The following CSMD2 variants were observed in gnomAD, a reference collection of about 807,000 sequenced individuals.
CSMD2 encodes CUB and Sushi multiple domains 2.
A neutral mutation model predicts 398.5 loss-of-function variants in CSMD2; 130 were observed. The observed-to-expected ratio is 0.33, with a 90% CI of 0.28 to 0.38. CSMD2 has a LOEUF of 0.38. CSMD2 is among the 10% of genes least tolerant of loss of function. The probability of loss-of-function intolerance (pLI) is 1.00; values close to 1 mark genes in which losing one functional copy is unlikely to be tolerated. For missense variants in CSMD2, 3,829 were observed against 4,764.9 expected, an observed-to-expected ratio of 0.80 and a Z score of 5.78; for synonymous variants, 1,828 against 1,908.5, an observed-to-expected ratio of 0.96 and a Z score of 1.10.
chr1:33,586,632 C>T lies in CSMD2; in HGVS notation c.6938-15G>A, dbSNP rs373342192. 4.6e-6 allele frequency: 7 copies of T among 1,536,804 alleles called. No homozygotes were observed. Among genetic ancestry groups the T allele is most frequent in the Non-Finnish European group, 6.3e-6 (7 of 1,110,284 alleles). The stretch of plus-strand genomic sequence containing the variant: ...TACGATGTCACCTGTCAAAGAAAGA[C>T]CAACATGTAGACCCTCTTAAGAAGT... On this transcript the variant is annotated splice_polypyrimidine_tract_variant and intron_variant, in intron 45 of 70. Transcript: ENST00000373381.
intron 12 of CSMD2, 48 bp from the exon 13 acceptor site, chr1:33,772,799 C>T: frequency 6.5e-7 from 1 of 1,538,726 alleles, no homozygotes; most frequent in Non-Finnish European, 8.9e-7. Flanking sequence ...TGACTTTATA[C>T]CTCTTTTGGA....
chr1:34,146,138 A>G (rs1266206742), intron 1 of CSMD2, among the ~76,000 whole-genome samples: 2 of 152,072 alleles, frequency 1.3e-5, no homozygotes, highest in African/African-American at 2.4e-5. Flanking sequence ...GGCTCAAGTG[A>G]ATCTCCCACC....
intron 1 of CSMD2, among the ~76,000 whole-genome samples, chr1:34,119,117 T>C (rs1022605288): frequency 2.6e-5 from 4 of 151,978 alleles, no homozygotes; most frequent in African/African-American, 7.3e-5. Flanking sequence ...ACCTCAGAAA[T>C]AAATATATTG....
At chr1:33,523,754 A>G (rs1654521817) in intron 66 of CSMD2, among the ~76,000 whole-genome samples, 1 of 152,200 alleles carries the variant, frequency 6.6e-6, no homozygotes, top group Non-Finnish European at 1.5e-5. Flanking sequence ...AATGGGTGCA[A>G]TAGTTCATGA....
rs144335699 is a variant in CSMD2, at chr1:33,785,025, C to T, written c.1663+3575G>A. Among the ~76,000 whole-genome samples the T allele has an allele frequency of 1.4e-4, 21 of 152,300 alleles. No homozygotes were observed. In the East Asian group the frequency reaches 4.0e-3, roughly 29 times the overall value. On this transcript the variant is annotated intron_variant, in intron 12 of 70. Transcript: ENST00000373381. ...CTCTGTGCACAGAACCTGACGTAGT[C>T]CCTGTGGGTTTGCCATGTCTCTAAA...
At chr1:33,567,324 A>C (rs1659136807) in intron 53 of CSMD2, among the ~76,000 whole-genome samples, 1 of 151,998 alleles carries the variant, frequency 6.6e-6, no homozygotes, top group South Asian at 2.1e-4. Context: ...AAATGAATTA[A>C]ATTCCTACTC....
chr1:33,775,876 G>T (rs1183463348), intron 12 of CSMD2, among the ~76,000 whole-genome samples: 1 of 152,212 alleles, frequency 6.6e-6, no homozygotes, highest in Non-Finnish European at 1.5e-5. Flanking sequence ...ATGCTAGACT[G>T]GGAGAGTGGG....
chr1:34,065,926 T>C (rs1407332637), intron 2 of CSMD2, among the ~76,000 whole-genome samples: 1 of 152,140 alleles, frequency 6.6e-6, no homozygotes, highest in African/African-American at 2.4e-5. Flanking sequence ...TTCAGAGGGA[T>C]CCATATCTCC....
At chr1:33,782,653 G>C (rs1569905254) in intron 12 of CSMD2, among the ~76,000 whole-genome samples, 1 of 152,072 alleles carries the variant, frequency 6.6e-6, no homozygotes, top group African/African-American at 2.4e-5. Context: ...TGCTGAGGAG[G>C]GTACCTGATT....
chr1:33,624,959 G>C lies in CSMD2; in HGVS notation c.5500+92C>G, dbSNP rs1253752807. On this transcript the variant is annotated intron_variant, in intron 34 of 70. Transcript: ENST00000373381. The surrounding 1 kb of genome is among the most constrained non-coding windows in gnomAD (Gnocchi z 4.7). Reference sequence around the variant, plus strand: ...CGGTGGGAAGCGGCTGCTGTGTGTCGTGGGGCATCACTGGGGCTGACTGCC... The same window carrying C: ...CGGTGGGAAGCGGCTGCTGTGTGTCCTGGGGCATCACTGGGGCTGACTGCC... 5.4e-6 allele frequency: 7 copies of C among 1,298,930 alleles called. No homozygotes were observed. Among genetic ancestry groups the C allele is most frequent in the Non-Finnish European group, 7.7e-6 (7 of 905,862 alleles). 80.5% of individuals were successfully genotyped at this position (1,298,930 alleles called of 1,614,324 possible). A position where few individuals can be genotyped will look rare whatever the true frequency, so the allele number is the denominator to read the frequency against.
At chr1:33,875,426 T>C (rs779237426) in intron 5 of CSMD2, 2 of 152,182 alleles carry the variant, frequency 1.3e-5, no homozygotes, top group African/African-American at 2.4e-5. Context: ...AAGCCCTATT[T>C]CTAAGTGTTC....
At position 33,662,973 on chromosome 1, in the gene CSMD2, A is replaced by T. The variant is rs1027171228; in HGVS notation, c.4172T>A (p.Leu1391Gln). The T allele has an allele frequency of 8.7e-6, 14 of 1,614,182 alleles. No individual in the cohort carries two copies. The highest frequency in any genetic ancestry group is 1.1e-5 in the Non-Finnish European group (13 of 1,180,014). The change falls in exon 26 of 71, where the codon CTG becomes CAG. Residue 1391 changes from leucine to glutamine, a missense_variant. Transcript: ENST00000373381. ...ELSGPALPKD[L>Q]HSTFNSVVLQ... ...GACGACCGAGTTGAAGGTGCTATGC[A>T]GGTCCTTGGGCAGGGCCGGGCCACT...
At chr1:34,160,776 T>C (rs1571306874) in intron 1 of CSMD2, among the ~76,000 whole-genome samples, 1 of 152,260 alleles carries the variant, frequency 6.6e-6, no homozygotes. Context: ...AGTAGAACAT[T>C]GAGTACAGTC....
intron 25 of CSMD2, among the ~76,000 whole-genome samples, chr1:33,671,900 TAAAAACAAAAAC>T (rs567227577): frequency 1.3e-5 from 2 of 152,162 alleles, no homozygotes; most frequent in African/African-American, 2.4e-5. Flanking sequence ...AGGTATTTTT[TAAAAACAAAAAC>T]AAAAACAAAC....
At chr1:33,989,034 A>C (rs61771363) in intron 3 of CSMD2, among the ~76,000 whole-genome samples, 27 of 40,106 alleles carry the variant, frequency 6.7e-4, no homozygotes, top group African/African-American at 2.2e-3. Context: ...ATATATATAT[A>C]TATATATATA....
At chr1:33,664,219 T>C (rs560379900) in intron 25 of CSMD2, among the ~76,000 whole-genome samples, 3 of 152,332 alleles carry the variant, frequency 2.0e-5, no homozygotes, top group African/African-American at 7.2e-5. Context: ...CAATTAATAG[T>C]AGGTTTGGTA....
At chr1:33,943,167 A>G (rs1025833204) in intron 3 of CSMD2, among the ~76,000 whole-genome samples, 2 of 152,226 alleles carry the variant, frequency 1.3e-5, no homozygotes, top group Non-Finnish European at 2.9e-5. Flanking sequence ...TAATAATTTG[A>G]AAGATTAATT....
At chr1:33,565,862 G>A (rs559069157) in intron 53 of CSMD2, among the ~76,000 whole-genome samples, 6 of 152,184 alleles carry the variant, frequency 3.9e-5, no homozygotes, top group African/African-American at 1.4e-4. Flanking sequence ...ATAACTGATT[G>A]TATGCTTTAA....
At position 33,533,951 on chromosome 1, in the gene CSMD2, G is replaced by A. The variant is rs1000870261; in HGVS notation, c.9880-44C>T. On this transcript the variant is annotated intron_variant, in intron 62 of 70. Coordinates refer to ENST00000373381, the MANE Select transcript of CSMD2 (RefSeq NM_001281956.2). This position sits in a 1 kb window ranked among gnomAD's most constrained non-coding sequence, Gnocchi z 4.2. ...TCCCATCAGCCCCTTCCTTTCAGCGGTGCTTCCTACGTCTGTCCCTTGACC... is the reference window on the plus strand; with the variant it reads ...TCCCATCAGCCCCTTCCTTTCAGCGATGCTTCCTACGTCTGTCCCTTGACC... The A allele has an allele frequency of 7.8e-7, 1 of 1,276,692 alleles. No individual in the cohort carries two copies. Among genetic ancestry groups the A allele is most frequent in the Non-Finnish European group, 1.1e-6 (1 of 876,958 alleles). The allele number at this position is 1,276,692 out of a possible 1,614,324, so 79.1% of individuals were successfully genotyped here. A position where few individuals can be genotyped will look rare whatever the true frequency, so the allele number is the denominator to read the frequency against.
Sources: allele counts gnomAD v4.1 joint callset (sites outside exome capture counted in the v4.1 genomes callset), GRCh38; gene constraint gnomAD v4.1.1; non-coding constraint Gnocchi (gnomAD v3.1); transcripts MANE v1.5; gene names NCBI Gene and HGNC (gene_info 2026-07-23, HGNC 2026-07-21).